The following KAZN variants were observed in gnomAD, a reference collection of about 807,000 sequenced individuals.
KAZN encodes the protein kazrin.
A neutral mutation model predicts 87.4 loss-of-function variants in KAZN; 40 were observed. That is an observed-to-expected ratio of 0.46 (90% CI 0.36 to 0.60). KAZN has a LOEUF of 0.60. Ranked by LOEUF, KAZN falls within the 20% of genes least tolerant of loss-of-function variation. The pLI is 0.00. For synonymous variants in KAZN, 466 were observed against 458.3 expected, an observed-to-expected ratio of 1.02 and a Z score of -0.22; for missense variants, 898 against 1,073.9, an observed-to-expected ratio of 0.84 and a Z score of 2.29.
intron 2 of KAZN, among the ~76,000 whole-genome samples, chr1:14,490,497 G>T (rs1417560959): frequency 6.6e-6 from 1 of 151,942 alleles, no homozygotes; most frequent in African/African-American, 2.4e-5. Context: ...TGGTTTGTTT[G>T]TTTGTTTGTT....
At chr1:14,594,796 T>C (rs1676390270), upstream of KAZN, among the ~76,000 whole-genome samples, 1 of 152,070 alleles carries the variant, frequency 6.6e-6, no homozygotes, top group Non-Finnish European at 1.5e-5. Flanking sequence ...TCAGCCCCCA[T>C]AGACAGGCAA....
chr1:15,079,907 T>C (rs1198728176), intron 8 of KAZN, among the ~76,000 whole-genome samples: 1 of 152,254 alleles, frequency 6.6e-6, no homozygotes, highest in Admixed American at 6.5e-5. Flanking sequence ...TGTATAGATA[T>C]ATATGTAAAA....
chr1:14,528,337 C>CAAAAAAAAAATAA (rs1672015713), intron 2 of KAZN, among the ~76,000 whole-genome samples: 1 of 49,370 alleles, frequency 2.0e-5, no homozygotes, highest in Non-Finnish European at 3.4e-5. Flanking sequence ...GACTCCATCT[C>CAAAAAAAAAATAA]AAAAAAAAAA....
At chr1:14,680,091 AG>A (rs918391975) in intron 1 of KAZN, among the ~76,000 whole-genome samples, 8 of 152,164 alleles carry the variant, frequency 5.3e-5, no homozygotes, top group African/African-American at 1.9e-4. Context: ...TCTCTCTGGG[AG>A]GTGATATTTT....
At chr1:13,939,319 C>T (rs1268727671) in intron 1 of KAZN, among the ~76,000 whole-genome samples, 2 of 152,106 alleles carry the variant, frequency 1.3e-5, no homozygotes, top group African/African-American at 4.8e-5. Context: ...AATTTTTTTC[C>T]ACCAGATACC....
chr1:14,517,437 T>C (rs573867076), intron 2 of KAZN, among the ~76,000 whole-genome samples: 1 of 152,284 alleles, frequency 6.6e-6, no homozygotes, highest in East Asian at 1.9e-4. Flanking sequence ...CCCTGGACTT[T>C]CCAATTTGTG....
chr1:14,903,613 TAAAG>T (rs1385090270), intron 1 of KAZN, among the ~76,000 whole-genome samples: 3 of 152,186 alleles, frequency 2.0e-5, no homozygotes, highest in Non-Finnish European at 4.4e-5. Context: ...TCCTTGTGGC[TAAAG>T]ATAGGGATGA....
At chr1:14,954,958 G>A (rs1338878340) in intron 1 of KAZN, among the ~76,000 whole-genome samples, 1 of 152,008 alleles carries the variant, frequency 6.6e-6, no homozygotes, top group East Asian at 1.9e-4. Flanking sequence ...TCTCAAAAAA[G>A]AAAAGATAGT....
intron 1 of KAZN, among the ~76,000 whole-genome samples, chr1:14,907,535 G>T (rs1028158456): frequency 2.6e-5 from 4 of 152,050 alleles, no homozygotes; most frequent in Admixed American, 6.6e-5. Flanking sequence ...CTGAAATAGT[G>T]CCCGAAGACC....
At chr1:14,933,586 A>G (rs1002636436) in intron 1 of KAZN, among the ~76,000 whole-genome samples, 9 of 146,976 alleles carry the variant, frequency 6.1e-5, no homozygotes, top group South Asian at 2.1e-4. Flanking sequence ...TCTTTTTCCA[A>G]TAATTAAAAT....
intron 1 of KAZN, among the ~76,000 whole-genome samples, chr1:14,632,152 A>G (rs1351994602): frequency 6.6e-6 from 1 of 152,020 alleles, no homozygotes; most frequent in East Asian, 1.9e-4. Flanking sequence ...GTACAGGTAC[A>G]CCTCACTTAC....
rs76612463 is a variant in KAZN, at chr1:13,928,388, T to C, written c.91+34632T>C. ...AACTTGTTATATACCTGGCACTCTG[T>C]GTATTATCTCCCTGAATTCCTATTT... On this transcript the variant is annotated intron_variant, in intron 1 of 16. Transcript: ENST00000636203. 5.0e-3 allele frequency among the ~76,000 whole-genome samples: 766 copies of C among 152,322 alleles called. 23 individuals carry two copies. The East Asian group carries it at 0.085, about 17-fold the overall frequency.
At chr1:13,942,265 G>T (rs1350730690) in intron 1 of KAZN, among the ~76,000 whole-genome samples, 4 of 151,974 alleles carry the variant, frequency 2.6e-5, no homozygotes, top group African/African-American at 4.8e-5. Flanking sequence ...CACCGGCCAG[G>T]CGCGGTGGCT....
chr1:14,871,709 G>A (rs1652160701), intron 1 of KAZN, among the ~76,000 whole-genome samples: 3 of 148,144 alleles, frequency 2.0e-5, no homozygotes, highest in South Asian at 2.2e-4. Flanking sequence ...TCTTGATGCT[G>A]TGTGGTGTTA....
At chr1:14,707,053 T>C (rs1314927877) in intron 1 of KAZN, among the ~76,000 whole-genome samples, 2 of 152,216 alleles carry the variant, frequency 1.3e-5, no homozygotes, top group Non-Finnish European at 2.9e-5. Context: ...TATTCTAAAG[T>C]CTAGTTCTCC....
chr1:14,537,673 A>C (rs1362100418), intron 2 of KAZN, among the ~76,000 whole-genome samples: 1 of 152,196 alleles, frequency 6.6e-6, no homozygotes, highest in Non-Finnish European at 1.5e-5. Context: ...GTTGGTGGGA[A>C]GATCCTATAA....
chr1:13,919,976 T>A (rs1304488139), intron 1 of KAZN, among the ~76,000 whole-genome samples: 5 of 152,198 alleles, frequency 3.3e-5, no homozygotes, highest in Non-Finnish European at 1.5e-5. Context: ...TGTATGAATA[T>A]CCTATTGACC....
chr1:14,894,670 C>T lies in KAZN; in HGVS notation c.227-66014C>T, dbSNP rs1482385340. 4.6e-5 allele frequency among the ~76,000 whole-genome samples: 7 copies of T among 152,292 alleles called. No individual in the cohort carries two copies. The East Asian group carries it at 9.7e-4, about 21-fold the overall frequency. On this transcript the variant is annotated intron_variant, in intron 1 of 14. Coordinates refer to ENST00000376030, the MANE Select transcript of KAZN (RefSeq NM_201628.3). ...TGCTAGACTCTAAGCTTCTTGAACCCGAGAATGGCATCATTCATCTCTGCA... is the reference window on the plus strand; with the variant it reads ...TGCTAGACTCTAAGCTTCTTGAACCTGAGAATGGCATCATTCATCTCTGCA...
chr1:14,688,204 G>A (rs1298217205), intron 1 of KAZN, among the ~76,000 whole-genome samples: 1 of 152,216 alleles, frequency 6.6e-6, no homozygotes, highest in East Asian at 1.9e-4. Flanking sequence ...CATTTCCCAA[G>A]TTGCGTTCTA....
Sources: gnomAD v4.1 joint callset for allele counts (sites outside exome capture counted in the v4.1 genomes callset) on GRCh38, gnomAD v4.1.1 for gene constraint, MANE v1.5 for transcripts, NCBI Gene and HGNC (gene_info 2026-07-23, HGNC 2026-07-21) for gene names.